The following USP20 variants were observed in gnomAD, a reference collection of about 807,000 sequenced individuals.
USP20 encodes the protein ubiquitin specific peptidase 20, also known as ubiquitin carboxyl-terminal hydrolase 20.
A neutral mutation model predicts 124.2 loss-of-function variants in USP20; 80 were observed. The observed-to-expected ratio is 0.64, with a 90% confidence interval of 0.54 to 0.78. The LOEUF (loss-of-function observed/expected upper bound fraction) is 0.78. Ranked by LOEUF, USP20 falls within the 30% of genes least tolerant of loss-of-function variation. The pLI is 0.00. For missense variants in USP20, 1,043 were observed against 1,244.4 expected (o/e 0.84, Z 2.44); for synonymous variants, 481 against 512.3 (o/e 0.94, Z 0.83).
At chr9:129,858,182 T>G in intron 5 of USP20, 70 bp downstream of exon 5, 1 of 1,503,954 alleles carries the variant, frequency 6.6e-7, no homozygotes, top group African/African-American at 1.4e-5. Context: ...AGCTCCACCT[T>G]CCCACTCTGG....
At chr9:129,863,365 A>ATT (rs199755552) in intron 9 of USP20, 66 bp downstream of exon 9, 30,330 of 1,282,656 alleles carry the variant, frequency 0.024, 475 homozygotes, top group Non-Finnish European at 0.03. Flanking sequence ...AGCACCCATG[A>ATT]TTGAGTACTT....
At chr9:129,841,830 A>C (rs2032232880) in intron 1 of USP20, among the ~76,000 whole-genome samples, 1 of 152,216 alleles carries the variant, frequency 6.6e-6, no homozygotes, top group South Asian at 2.1e-4. Context: ...TCCGTGCATG[A>C]GTCCCCTGCG....
intron 1 of USP20, among the ~76,000 whole-genome samples, chr9:129,838,248 G>T (rs192274457): frequency 1.3e-5 from 2 of 152,078 alleles, no homozygotes; most frequent in Non-Finnish European, 2.9e-5. Context: ...CACCATGTTG[G>T]CCAGGCTGGT....
intron 1 of USP20, among the ~76,000 whole-genome samples, chr9:129,837,483 G>A (rs1019577703): frequency 1.3e-5 from 2 of 152,058 alleles, no homozygotes; most frequent in African/African-American, 4.8e-5. Context: ...AGCTATAGTC[G>A]GCATCCAATA....
At chr9:129,856,664 G>A (rs1588259200) in intron 4 of USP20, among the ~76,000 whole-genome samples, 1 of 152,344 alleles carries the variant, frequency 6.6e-6, no homozygotes, top group African/African-American at 2.4e-5. Flanking sequence ...GAGTCAACGT[G>A]GGTGTCTTGG....
Position 129,839,596 on chromosome 9 carries a change from G to C in USP20, c.-129+4097G>C, listed in dbSNP as rs2032075903. Among the ~76,000 whole-genome samples, 2 of 152,006 alleles carry C rather than the reference G, an allele frequency of 1.3e-5. No homozygotes were observed. The highest frequency in any genetic ancestry group is 2.9e-5 in the Non-Finnish European group (2 of 67,984). Reference sequence around the variant, plus strand: ...GGGTGTGCGAGGGCCAGAGGGGACTGTGGAGGGGGTGGGCACACACCCTGT... The same window carrying C: ...GGGTGTGCGAGGGCCAGAGGGGACTCTGGAGGGGGTGGGCACACACCCTGT... On this transcript the variant is annotated intron_variant, in intron 1 of 25. Coordinates refer to ENST00000372429, the MANE Select transcript of USP20 (RefSeq NM_001110303.4). This position sits in a 1 kb window ranked among gnomAD's most constrained non-coding sequence, Gnocchi z 4.5.
Position 129,874,971 on chromosome 9 carries a change from G to C in USP20, c.2048+16G>C. The C allele has an allele frequency of 1.2e-6, 2 of 1,611,814 alleles. No individual in the cohort carries two copies. The highest frequency in any genetic ancestry group is 1.7e-6 in the Non-Finnish European group (2 of 1,179,296). ...TCTTCTACAGGTGGGCGCTGGGCCA[G>C]GCCTGGTGGAGGAACCTCACCATCC... On this transcript the variant is annotated intron_variant, in intron 19 of 25. Transcript: ENST00000372429.
rs193183515 is a variant in USP20 at position 129,864,602 on chromosome 9, C to T, written c.612-701C>T. 6.0e-3 allele frequency among the ~76,000 whole-genome samples: 905 copies of T among 151,934 alleles called. 6 individuals carry two copies. Among genetic ancestry groups the T allele is most frequent in the Middle Eastern group, 0.02 (6 of 294 alleles). On this transcript the variant is annotated intron_variant, in intron 9 of 25. Transcript: ENST00000372429. ...CAGCCTGGCCAATGTGGTGAAACCC[C>T]GTCTCTACTAAAAATACAAAAATTA...
chr9:129,847,612 T>C (rs1280968419), intron 1 of USP20, among the ~76,000 whole-genome samples: 1 of 152,192 alleles, frequency 6.6e-6, no homozygotes, highest in Non-Finnish European at 1.5e-5. Flanking sequence ...CATTCTGATT[T>C]AAAATGCTTT....
chr9:129,836,280 C>T (rs571658232), intron 1 of USP20, among the ~76,000 whole-genome samples: 1 of 152,262 alleles, frequency 6.6e-6, no homozygotes, highest in Non-Finnish European at 1.5e-5. Flanking sequence ...TGAGAACTAC[C>T]TCTTATTAAG....
At chr9:129,846,312 GTGGTGC>G (rs1239736998) in intron 1 of USP20, among the ~76,000 whole-genome samples, 3 of 124,842 alleles carry the variant, frequency 2.4e-5, no homozygotes, top group Non-Finnish European at 4.7e-5. Flanking sequence ...CTGGAATGCA[GTGGTGC>G]CATCATAGCT....
At chr9:129,870,800 G>A (rs2034084959) in intron 15 of USP20, among the ~76,000 whole-genome samples, 1 of 152,172 alleles carries the variant, frequency 6.6e-6, no homozygotes, top group Admixed American at 6.5e-5. Flanking sequence ...CAATTTGGTG[G>A]GCAAAAATGA....
At chr9:129,854,379 T>C (rs2033102690) in intron 3 of USP20, among the ~76,000 whole-genome samples, 1 of 152,162 alleles carries the variant, frequency 6.6e-6, no homozygotes, top group Non-Finnish European at 1.5e-5. Context: ...GGGGAATCAA[T>C]TATGGTGTGT....
intron 1 of USP20, among the ~76,000 whole-genome samples, chr9:129,845,455 AAAAG>A (rs551101183): frequency 7.7e-4 from 117 of 152,322 alleles, no homozygotes; most frequent in South Asian, 4.6e-3. Flanking sequence ...AGGCAAAAGA[AAAAG>A]AAAGAAAGGA....
At chr9:129,845,898 G>A (rs1417650104) in intron 1 of USP20, among the ~76,000 whole-genome samples, 2 of 152,006 alleles carry the variant, frequency 1.3e-5, no homozygotes, top group East Asian at 3.9e-4. Flanking sequence ...AGAGTTTACT[G>A]TAATAATAGG....
At chr9:129,875,538 G>A (rs541325872) in intron 20 of USP20, 22 bp from the exon 21 acceptor site, 49 of 1,613,790 alleles carry the variant, frequency 3.0e-5, no homozygotes, top group Non-Finnish European at 3.7e-5. Flanking sequence ...CCACAGCTTC[G>A]CTCCCTGTAC....
At chr9:129,867,592 C>T (rs984878743) in intron 10 of USP20, among the ~76,000 whole-genome samples, 5 of 152,088 alleles carry the variant, frequency 3.3e-5, no homozygotes, top group African/African-American at 4.8e-5. Context: ...CTCATCCTTC[C>T]GCCACCCCCC....
chr9:129,851,652 T>C (rs924923309), intron 2 of USP20, among the ~76,000 whole-genome samples: 1 of 152,222 alleles, frequency 6.6e-6, no homozygotes, highest in Non-Finnish European at 1.5e-5. Context: ...GACAGATATC[T>C]TTTTATACCC....
At chr9:129,861,464 T>C (rs939650338) in intron 7 of USP20, 79 bp from the exon 8 acceptor site, 1 of 1,360,334 alleles carries the variant, frequency 7.4e-7, no homozygotes, top group African/African-American at 1.4e-5. Flanking sequence ...GCCACACCTT[T>C]GTGCCAAATG....
Sources: gnomAD v4.1 joint callset for allele counts (sites outside exome capture counted in the v4.1 genomes callset) on GRCh38, gnomAD v4.1.1 for gene constraint, Gnocchi (gnomAD v3.1) non-coding constraint, MANE v1.5 for transcripts, NCBI Gene and HGNC (gene_info 2026-07-23, HGNC 2026-07-21) for gene names.